The following CFAP47 variants were observed in gnomAD, a reference collection of about 807,000 sequenced individuals.
CFAP47 encodes cilia- and flagella-associated protein 47.
A neutral mutation model predicts 148.1 loss-of-function variants in CFAP47; 29 were observed. The ratio of observed to expected loss-of-function variants is 0.20; its 90% CI spans 0.15 to 0.27. The LOEUF is 0.27. Ranked by LOEUF, CFAP47 falls within the 10% of genes least tolerant of loss-of-function variation. CFAP47 has a pLI of 1.00. For synonymous variants in CFAP47, 664 were observed against 577.3 expected (o/e 1.15, Z -2.15); for missense variants, 1,872 against 1,697.5 (o/e 1.10, Z -1.81).
intron 37 of CFAP47, among the ~76,000 whole-genome samples, chrX:36,150,048 A>G (rs954972682): frequency 5.5e-4 from 61 of 111,233 alleles, no homozygotes; most frequent in African/African-American, 1.8e-3. Flanking sequence ...CCATGTTGCC[A>G]TTTTTCTCTG....
chrX:36,067,904 G>A (rs1033853739), intron 27 of CFAP47, among the ~76,000 whole-genome samples: 3 of 110,716 alleles, frequency 2.7e-5, no homozygotes, highest in Admixed American at 9.6e-5. Context: ...GCCCACCTCG[G>A]CCTCCCAAAG....
At chrX:36,267,088 T>C (rs1208729600) in intron 49 of CFAP47, among the ~76,000 whole-genome samples, 1 of 112,274 alleles carries the variant, frequency 8.9e-6, no homozygotes, top group Admixed American at 9.4e-5. Context: ...AAGAAACTTA[T>C]TGACCATAGT....
At chrX:36,288,918 T>A (rs1390070658) in intron 51 of CFAP47, among the ~76,000 whole-genome samples, 3 of 108,365 alleles carry the variant, frequency 2.8e-5, no homozygotes, top group African/African-American at 1.0e-4. Context: ...CAACCATTTT[T>A]AAAAAGTTTT....
chrX:36,350,830 C>T (rs781822615), intron 59 of CFAP47, among the ~76,000 whole-genome samples: 2 of 110,352 alleles, frequency 1.8e-5, no homozygotes, highest in African/African-American at 6.6e-5. Flanking sequence ...AACAAAATTT[C>T]TCTTATATAA....
At chrX:36,169,634 CTATT>C (rs1290879281) in intron 39 of CFAP47, among the ~76,000 whole-genome samples, 1 of 111,397 alleles carries the variant, frequency 9.0e-6, no homozygotes, top group Non-Finnish European at 1.9e-5. Context: ...TCATTTCTAT[CTATT>C]TAATTGATGT....
intron 47 of CFAP47, 94 bp from the exon 48 acceptor site, chrX:36,236,592 T>G: frequency 2.3e-6 from 1 of 436,997 alleles, no homozygotes; most frequent in Non-Finnish European, 4.0e-6. Flanking sequence ...CAAGCTCTTT[T>G]TATTAATCAG....
intron 57 of CFAP47, among the ~76,000 whole-genome samples, chrX:36,328,634 C>A (rs1379780974): frequency 9.4e-6 from 1 of 106,568 alleles, no homozygotes; most frequent in African/African-American, 3.4e-5. Context: ...CAAGGTGAAA[C>A]CCCGTCTCTA....
At chrX:35,954,150 G>C (rs944207805) in intron 7 of CFAP47, among the ~76,000 whole-genome samples, 3 of 110,904 alleles carry the variant, frequency 2.7e-5, no homozygotes, top group Non-Finnish European at 5.7e-5. Flanking sequence ...TAGTTAGTAG[G>C]GTACAGGACA....
intron 33 of CFAP47, among the ~76,000 whole-genome samples, chrX:36,116,645 A>T (rs1476749002): frequency 1.8e-5 from 2 of 111,590 alleles, no homozygotes; most frequent in Admixed American, 9.5e-5. Context: ...CAGTAGGTGT[A>T]TATATTTATG....
intron 16 of CFAP47, among the ~76,000 whole-genome samples, chrX:35,990,783 T>G (rs1936780595): frequency 9.0e-6 from 1 of 111,586 alleles, no homozygotes; most frequent in Admixed American, 9.5e-5. Flanking sequence ...TTACCTAGTT[T>G]GGGAGTATAT....
chrX:36,148,436 T>C (rs1422467167), intron 36 of CFAP47, among the ~76,000 whole-genome samples: 1 of 112,268 alleles, frequency 8.9e-6, no homozygotes, highest in Non-Finnish European at 1.9e-5. Flanking sequence ...TGGAGTGTGG[T>C]TGAGAAGAAA....
chrX:36,101,724 A>G (rs941133465), intron 32 of CFAP47, among the ~76,000 whole-genome samples: 6 of 111,787 alleles, frequency 5.4e-5, no homozygotes, highest in Middle Eastern at 9.3e-3. Flanking sequence ...CTGACAATTG[A>G]TTCTTTTCTT....
At chrX:36,382,634 C>T (rs1430063658) in intron 63 of CFAP47, among the ~76,000 whole-genome samples, 1 of 110,705 alleles carries the variant, frequency 9.0e-6, no homozygotes. Flanking sequence ...AATGGAAACT[C>T]GGGAAATAAA....
intron 58 of CFAP47, 25 bp from the exon 59 acceptor site, chrX:36,350,013 T>C (rs1941729913): frequency 1.0e-6 from 1 of 960,193 alleles, no homozygotes; most frequent in Non-Finnish European, 1.4e-6. Context: ...TTTTGTTCCC[T>C]CTTAATATTT....
At chrX:36,032,255 C>T (rs1162092270) in intron 23 of CFAP47, among the ~76,000 whole-genome samples, 4 of 109,617 alleles carry the variant, frequency 3.6e-5, no homozygotes, top group Non-Finnish European at 7.6e-5. Context: ...AAGATCTAGA[C>T]ACCAATAGCA....
intron 30 of CFAP47, among the ~76,000 whole-genome samples, chrX:36,086,964 A>T (rs1938099303): frequency 9.0e-6 from 1 of 111,692 alleles, no homozygotes; most frequent in Admixed American, 9.6e-5. Flanking sequence ...AAGGGCAGAG[A>T]CAGAAGATCC....
intron 22 of CFAP47, among the ~76,000 whole-genome samples, chrX:36,026,883 T>G (rs1937223049): frequency 9.1e-6 from 1 of 110,022 alleles, no homozygotes; most frequent in Non-Finnish European, 1.9e-5. Context: ...GAATATATAA[T>G]TTTGTATTCA....
intron 33 of CFAP47, among the ~76,000 whole-genome samples, chrX:36,120,520 T>C (rs1232749235): frequency 9.0e-6 from 1 of 111,473 alleles, no homozygotes; most frequent in Non-Finnish European, 1.9e-5. Flanking sequence ...AATTCTCCGT[T>C]ACTACTATTT....
At chrX:36,055,211 G>A (rs1418466492) in intron 26 of CFAP47, among the ~76,000 whole-genome samples, 2 of 109,419 alleles carry the variant, frequency 1.8e-5, no homozygotes, top group African/African-American at 3.3e-5. Flanking sequence ...GGATGCGCAG[G>A]CTTGTTACAT....
Sources: gnomAD v4.1 joint callset for allele counts (sites outside exome capture counted in the v4.1 genomes callset) on GRCh38, gnomAD v4.1.1 for gene constraint, MANE v1.5 for transcripts, NCBI Gene and HGNC (gene_info 2026-07-23, HGNC 2026-07-21) for gene names.